The following XPA variants were observed in gnomAD, a reference collection of about 807,000 sequenced individuals.
XPA encodes the protein DNA repair protein complementing XP-A cells.
In XPA, 27 loss-of-function variants were observed where a neutral mutation model predicts 35.7. That is an observed-to-expected ratio of 0.76 (90% CI 0.56 to 1.04). The LOEUF (loss-of-function observed/expected upper bound fraction) is 1.04, where lower values mean the gene tolerates loss of function less well. XPA is among the 50% of genes least tolerant of loss of function. The pLI, the probability that XPA is intolerant of heterozygous loss-of-function variation, is 0.00. For missense variants in XPA, 354 were observed against 342.7 expected, an observed-to-expected ratio of 1.03 and a Z score of -0.26; for synonymous variants, 133 against 118.4, an observed-to-expected ratio of 1.12 and a Z score of -0.80.
downstream of XPA, chr9:97,671,425 G>T: frequency 2.3e-6 from 1 of 434,610 alleles, no homozygotes; most frequent in Non-Finnish European, 4.1e-6. Flanking sequence ...TTATATATGT[G>T]ACAGATACAA....
the XPA span, among the ~76,000 whole-genome samples, chr9:97,654,541 C>G: frequency 1.3e-5 from 2 of 149,878 alleles, no homozygotes; most frequent in African/African-American, 5.0e-5. Flanking sequence ...TTGCTTGTTG[C>G]AGGGTTGCCA....
At chr9:97,658,528 G>T in the XPA span, 2 of 790,152 alleles carry the variant, frequency 2.5e-6, no homozygotes, top group Non-Finnish European at 4.3e-6. Flanking sequence ...TCACTTCTTG[G>T]TTGTCAGCTG....
rs746677235 is a variant in XPA at position 97,697,268 on chromosome 9, G to A, written c.25C>T (p.Pro9Ser). The change falls in exon 1 of 6, where the codon CCG (proline) becomes TCG (serine). Residue 9 changes from proline (P) to serine (S), a missense_variant. Transcript: ENST00000375128. ...GGTTGCTCTAAAGCCGCCGCCTCCG[G>A]CAAAGCCCCGTCGGCCGCCGCCATC... The part of the protein sequence containing the change: MAAADGAL[P>S]EAAALEQPAE... The A allele has an allele frequency of 7.5e-6, 12 of 1,598,970 alleles. No individual in the cohort carries two copies. Among genetic ancestry groups the A allele is most frequent in the Non-Finnish European group, 1.0e-5 (12 of 1,179,170 alleles).
At chr9:97,664,133 C>G in the XPA span, among the ~76,000 whole-genome samples, 5 of 151,964 alleles carry the variant, frequency 3.3e-5, no homozygotes, top group African/African-American at 4.8e-5. Context: ...GAGCTGAGAT[C>G]GTGCCACTCC....
chr9:97,678,503 C>G (rs1301046795), intron 5 of XPA, among the ~76,000 whole-genome samples: 2 of 152,084 alleles, frequency 1.3e-5, no homozygotes, highest in African/African-American at 4.8e-5. Context: ...AAAGTAAGGA[C>G]AGAAATGAAC....
At chr9:97,660,196 C>G in the XPA span, among the ~76,000 whole-genome samples, 1 of 152,122 alleles carries the variant, frequency 6.6e-6, no homozygotes, top group African/African-American at 2.4e-5. Flanking sequence ...ATATGACTGT[C>G]CTCACATGAC....
rs368677003 is a variant in XPA, at chr9:97,675,565, G to A, written c.696C>T (p.Ser232=). 83 of 1,613,622 alleles carry A rather than the reference G, an allele frequency of 5.1e-5. No individual in the cohort carries two copies. Among genetic ancestry groups the A allele is most frequent in the Middle Eastern group, 4.9e-4 (3 of 6,084 alleles). The change falls in exon 6 of 6, where the codon AGC becomes AGT. Residue 232 remains serine (S), a synonymous_variant. Transcript: ENST00000375128. The part of the protein sequence containing the change: ...KVKELRRAVR[S]SVWKRETIVH... ...CAATCGTCTCCCTTTTCCACACGCT[G>A]CTTCTTACTGCTCGCCGCAATTCTG...
intron 5 of XPA, among the ~76,000 whole-genome samples, chr9:97,680,613 G>A (rs910758530): frequency 6.6e-6 from 1 of 152,156 alleles, no homozygotes; most frequent in Non-Finnish European, 1.5e-5. Flanking sequence ...AAATATGTGT[G>A]TGTGAAAGAA....
chr9:97,695,911 T>A (rs1229958904), intron 1 of XPA, among the ~76,000 whole-genome samples: 1 of 152,246 alleles, frequency 6.6e-6, no homozygotes, highest in African/African-American at 2.4e-5. Flanking sequence ...AAAAGTTTAA[T>A]TTAATGTCAG....
intron 4 of XPA, among the ~76,000 whole-genome samples, chr9:97,686,237 A>T (rs1319525755): frequency 1.3e-5 from 2 of 152,224 alleles, no homozygotes; most frequent in Non-Finnish European, 2.9e-5. Flanking sequence ...GCACAAAAAG[A>T]ATATTACAAT....
In XPA at chr9:97,678,396, G is replaced by A. The variant is rs141108003; in HGVS notation, c.674-2809C>T. Among the ~76,000 whole-genome samples, 662 of 152,030 alleles carry A rather than the reference G, an allele frequency of 4.4e-3. 11 individuals carry two copies. The highest frequency in any genetic ancestry group is 0.015 in the African/African-American group (630 of 41,474). ...AACCTGGGTGACAGAGCAATACTAG[G>A]TCTCAAAAGTAAATAAGTAAATAAA... is the stretch of plus-strand genomic sequence containing the variant. On this transcript the variant is annotated intron_variant, in intron 5 of 5. Coordinates refer to ENST00000375128, the MANE Select transcript of XPA (RefSeq NM_000380.4).
downstream of XPA, among the ~76,000 whole-genome samples, chr9:97,674,187 G>C (rs1309265560): frequency 1.3e-5 from 2 of 150,598 alleles, no homozygotes; most frequent in Non-Finnish European, 2.9e-5. Flanking sequence ...TTATTCTGTT[G>C]TCATCATCTG....
chr9:97,670,359 G>C (rs1199262818), downstream of XPA, among the ~76,000 whole-genome samples: 1 of 152,190 alleles, frequency 6.6e-6, no homozygotes, highest in Non-Finnish European at 1.5e-5. Flanking sequence ...ACTGTCCACA[G>C]AATCAAGGTA....
At chr9:97,688,277 C>T (rs762316225) in intron 3 of XPA, among the ~76,000 whole-genome samples, 30 of 152,278 alleles carry the variant, frequency 2.0e-4, no homozygotes, top group Non-Finnish European at 3.4e-4. Context: ...TTCCTGAACA[C>T]GACCCCCTCC....
the XPA span, among the ~76,000 whole-genome samples, chr9:97,663,917 A>C: frequency 1.3e-5 from 2 of 151,986 alleles, no homozygotes; most frequent in South Asian, 4.2e-4. Flanking sequence ...GGTGGCTCTT[A>C]CCTGTAATCC....
At chr9:97,667,127 A>G in the XPA span, among the ~76,000 whole-genome samples, 271 of 152,250 alleles carry the variant, frequency 1.8e-3, 2 homozygotes, top group South Asian at 5.4e-3. Context: ...ATAGTTCACT[A>G]TCTCTGGGTC....
chr9:97,671,246 A>G, downstream of XPA: 1 of 1,349,730 alleles, frequency 7.4e-7, no homozygotes, highest in Non-Finnish European at 1.0e-6. Flanking sequence ...ATCTTAAAAT[A>G]ATTTGTCTTA....
In XPA at chr9:97,675,378, C is replaced by T; in HGVS notation, c.*61G>A. On this transcript the variant is annotated 3_prime_UTR_variant, in exon 6 of 6. Transcript: ENST00000375128. The stretch of plus-strand genomic sequence containing the variant: ...TTTTTTTTTGAATTTTGAAAAGGAC[C>T]AATCTAAATTTCCTTTATTTAAATA... 6.6e-7 allele frequency: 1 copy of T among 1,507,602 alleles called. No individual in the cohort carries two copies. Among genetic ancestry groups the T allele is most frequent in the Non-Finnish European group, 8.9e-7 (1 of 1,119,538 alleles). 93.4% of individuals were successfully genotyped at this position (1,507,602 alleles called of 1,614,324 possible). A position where few individuals can be genotyped will look rare whatever the true frequency, so the allele number is the denominator to read the frequency against.
At chr9:97,681,086 T>G (rs1453633288) in intron 5 of XPA, among the ~76,000 whole-genome samples, 1 of 152,230 alleles carries the variant, frequency 6.6e-6, no homozygotes, top group Non-Finnish European at 1.5e-5. Flanking sequence ...TCCTAAATCC[T>G]TTTTTAAATG....
Sources: allele counts gnomAD v4.1 joint callset (sites outside exome capture counted in the v4.1 genomes callset), GRCh38; gene constraint gnomAD v4.1.1; transcripts MANE v1.5; gene names NCBI Gene and HGNC (gene_info 2026-07-23, HGNC 2026-07-21).